KIF26B: variants seen among roughly 807,000 people sequenced by gnomAD.
The protein encoded by KIF26B is kinesin-like protein KIF26B.
In KIF26B, 63 loss-of-function variants were observed where a neutral mutation model predicts 151.2. The ratio of observed to expected loss-of-function variants is 0.42; its 90% CI spans 0.34 to 0.51. The LOEUF (loss-of-function observed/expected upper bound fraction) is 0.51, where lower values mean the gene tolerates loss of function less well. KIF26B is among the 20% of genes least tolerant of loss of function. KIF26B has a pLI of 0.07. For synonymous variants in KIF26B, 1,357 were observed against 1,262.1 expected, an observed-to-expected ratio of 1.08 and a Z score of -1.59; for missense variants, 2,813 against 2,913.6, an observed-to-expected ratio of 0.97 and a Z score of 0.79.
chr1:245,671,494 G>T (rs186813156), intron 10 of KIF26B, among the ~76,000 whole-genome samples: 103 of 152,312 alleles, frequency 6.8e-4, no homozygotes, highest in African/African-American at 2.4e-3. Context: ...GGAGTGGGGA[G>T]TTGTTACTTA....
At chr1:245,502,158 G>A (rs543876699) in intron 4 of KIF26B, among the ~76,000 whole-genome samples, 11 of 152,314 alleles carry the variant, frequency 7.2e-5, no homozygotes, top group African/African-American at 2.6e-4. Flanking sequence ...GAGATTTAAT[G>A]GAGACCTGGA....
At chr1:245,365,770 G>T (rs1672934882) in intron 2 of KIF26B, among the ~76,000 whole-genome samples, 1 of 152,142 alleles carries the variant, frequency 6.6e-6, no homozygotes, top group Non-Finnish European at 1.5e-5. Context: ...GAGCTGGAAG[G>T]TCCTTACGAT....
intron 3 of KIF26B, among the ~76,000 whole-genome samples, chr1:245,386,346 A>AAAAAG (rs1391696898): frequency 6.6e-6 from 1 of 151,602 alleles, no homozygotes; most frequent in Non-Finnish European, 1.5e-5. Context: ...TAAAAAAAAA[A>AAAAAG]AGACAGATTT....
chr1:245,304,873 T>TA (rs200464279), intron 2 of KIF26B, among the ~76,000 whole-genome samples: 2,189 of 147,696 alleles, frequency 0.015, 47 homozygotes, highest in East Asian at 0.05. Flanking sequence ...GACCCATCTT[T>TA]AAAAAAAAAA....
intron 4 of KIF26B, among the ~76,000 whole-genome samples, chr1:245,500,218 G>A (rs890890898): frequency 2.6e-5 from 4 of 152,200 alleles, no homozygotes; most frequent in African/African-American, 4.8e-5. Flanking sequence ...CATTTCATCA[G>A]GGCACTGACC....
chr1:245,401,133 C>T (rs1186250344), intron 3 of KIF26B, among the ~76,000 whole-genome samples: 2 of 152,116 alleles, frequency 1.3e-5, no homozygotes, highest in Non-Finnish European at 2.9e-5. Context: ...ACTTCAAAAG[C>T]GACTTGTTTT....
At chr1:245,322,328 T>G (rs1416396713) in intron 2 of KIF26B, among the ~76,000 whole-genome samples, 2 of 152,164 alleles carry the variant, frequency 1.3e-5, no homozygotes, top group Non-Finnish European at 1.5e-5. Flanking sequence ...CCATGGCACA[T>G]GTATACCTAT....
intron 2 of KIF26B, among the ~76,000 whole-genome samples, chr1:245,317,709 C>T (rs947076664): frequency 6.6e-6 from 1 of 152,192 alleles, no homozygotes; most frequent in Non-Finnish European, 1.5e-5. Context: ...GGTCCCTCTC[C>T]CCCAGCTCCT....
At chr1:245,452,557 A>C (rs1013270297) in intron 4 of KIF26B, among the ~76,000 whole-genome samples, 7 of 152,170 alleles carry the variant, frequency 4.6e-5, no homozygotes, top group African/African-American at 1.7e-4. Context: ...CCCATCAGCA[A>C]TATACCAGGG....
intron 2 of KIF26B, among the ~76,000 whole-genome samples, chr1:245,164,232 T>G (rs1376568360): frequency 3.9e-5 from 6 of 152,250 alleles, no homozygotes; most frequent in Non-Finnish European, 7.3e-5. Context: ...TTAGATTTGT[T>G]AATATTGTGA....
chr1:245,259,858 C>T (rs1324905370), intron 2 of KIF26B, among the ~76,000 whole-genome samples: 1 of 150,792 alleles, frequency 6.6e-6, no homozygotes, highest in Non-Finnish European at 1.5e-5. Context: ...TTGCTTAGGC[C>T]CAGGAGGTCA....
In KIF26B at chr1:245,581,964, A is replaced by AAGGAAG. The variant is rs61645005; in HGVS notation, c.1351-20613_1351-20612insAGGAAG. On this transcript the variant is annotated intron_variant, in intron 5 of 14. Transcript: ENST00000407071. ...AGGAAGGAAGGAAGGAAGGAAGGAA[A>AAGGAAG]TAAATAAGCAATAAGCATGAAGTGG... 5.2e-3 allele frequency among the ~76,000 whole-genome samples: 315 copies of AAGGAAG among 60,908 alleles called. 4 individuals are homozygous for AAGGAAG. The highest frequency in any genetic ancestry group is 0.018 in the Middle Eastern group (2 of 110). 40.0% of individuals were successfully genotyped at this position (60,908 alleles called of 152,430 possible). A position where few individuals can be genotyped will look rare whatever the true frequency, so the allele number is the denominator to read the frequency against.
intron 4 of KIF26B, among the ~76,000 whole-genome samples, chr1:245,465,436 G>A (rs1367559675): frequency 6.6e-6 from 1 of 152,028 alleles, no homozygotes; most frequent in Non-Finnish European, 1.5e-5. Flanking sequence ...TCAGGCAGGA[G>A]CCCCCATGCC....
intron 2 of KIF26B, among the ~76,000 whole-genome samples, chr1:245,259,384 C>A (rs150474389): frequency 1.3e-5 from 2 of 152,104 alleles, no homozygotes; most frequent in Non-Finnish European, 2.9e-5. Flanking sequence ...GAGGCTCCAT[C>A]GCTGAAATGC....
intron 10 of KIF26B, among the ~76,000 whole-genome samples, chr1:245,668,006 C>G (rs949875861): frequency 1.6e-4 from 25 of 152,198 alleles, no homozygotes; most frequent in African/African-American, 6.0e-4. Context: ...AGCGATTCTC[C>G]TGCCTCAGCC....
chr1:245,503,690 C>T lies in KIF26B; in HGVS notation c.1167-37077C>T, dbSNP rs186066655. Among the ~76,000 whole-genome samples the T allele has an allele frequency of 6.6e-4, 101 of 152,184 alleles. 3 individuals are homozygous for T. Among genetic ancestry groups the T allele is most frequent in the Admixed American group, 4.6e-4 (7 of 15,288 alleles). Reference sequence around the variant, plus strand: ...TGACTGTCCGTATCGGAGAGCTGGGCGGTGATGGGTGTGTTGGAAGCACCG... The same window carrying T: ...TGACTGTCCGTATCGGAGAGCTGGGTGGTGATGGGTGTGTTGGAAGCACCG... On this transcript the variant is annotated intron_variant, in intron 4 of 14. Coordinates refer to ENST00000407071, the MANE Select transcript of KIF26B (RefSeq NM_018012.4).
intron 2 of KIF26B, among the ~76,000 whole-genome samples, chr1:245,177,702 C>T (rs1264698759): frequency 1.3e-5 from 2 of 151,074 alleles, no homozygotes; most frequent in African/African-American, 4.9e-5. Flanking sequence ...GTGTCTTTCC[C>T]CCTGGCCTTC....
chr1:245,302,503 G>T (rs1393230221), intron 2 of KIF26B, among the ~76,000 whole-genome samples: 3 of 152,200 alleles, frequency 2.0e-5, no homozygotes, highest in Non-Finnish European at 4.4e-5. Context: ...AAGATGGGTG[G>T]TTCCTGGATA....
intron 5 of KIF26B, among the ~76,000 whole-genome samples, chr1:245,565,248 AT>A (rs1164864055): frequency 6.6e-6 from 1 of 151,842 alleles, no homozygotes; most frequent in Non-Finnish European, 1.5e-5. Flanking sequence ...AGCACAGTGA[AT>A]TCGAGGGCTC....
Sources: allele counts gnomAD v4.1 joint callset (sites outside exome capture counted in the v4.1 genomes callset), GRCh38; gene constraint gnomAD v4.1.1; transcripts MANE v1.5; gene names NCBI Gene and HGNC (gene_info 2026-07-23, HGNC 2026-07-21).